The following TAFA2 variants were observed in gnomAD, a reference collection of about 807,000 sequenced individuals.
TAFA2 encodes chemokine-like protein TAFA-2.
TAFA2 carries 7 observed loss-of-function variants against 18.8 expected under a neutral mutation model. The observed-to-expected ratio is 0.37, with a 90% CI of 0.21 to 0.70. The LOEUF (loss-of-function observed/expected upper bound fraction) is 0.70, where lower values mean the gene tolerates loss of function less well. TAFA2 is among the 30% of genes least tolerant of loss of function. The probability of loss-of-function intolerance (pLI) is 0.53; values close to 1 mark genes in which losing one functional copy is unlikely to be tolerated. For synonymous variants in TAFA2, 60 were observed against 54.2 expected (o/e 1.11, Z -0.47); for missense variants, 122 against 158.1 (o/e 0.77, Z 1.23).
At chr12:61,841,052 C>T (rs2198776) in intron 2 of TAFA2, among the ~76,000 whole-genome samples, 50,817 of 151,742 alleles carry the variant, frequency 0.33, 8,800 homozygotes, top group Non-Finnish European at 0.38. Flanking sequence ...ACACTATGTT[C>T]ATCCATGTGT....
intron 2 of TAFA2, among the ~76,000 whole-genome samples, chr12:61,841,067 C>T (rs759355253): frequency 3.3e-5 from 5 of 151,962 alleles, no homozygotes; most frequent in Non-Finnish European, 7.4e-5. Context: ...ATGTGTCCTG[C>T]TGGAGCAGGA....
upstream of TAFA2, among the ~76,000 whole-genome samples, chr12:62,196,408 C>G (rs1012773265): frequency 6.6e-6 from 1 of 152,186 alleles, no homozygotes; most frequent in Non-Finnish European, 1.5e-5. Flanking sequence ...GCCTAGTTCT[C>G]AGCTTTTGAC....
At chr12:61,768,158 C>A (rs1869868736) in intron 2 of TAFA2, among the ~76,000 whole-genome samples, 1 of 152,018 alleles carries the variant, frequency 6.6e-6, no homozygotes, top group African/African-American at 2.4e-5. Context: ...TTTTAAAAAA[C>A]CTAGAAAGCA....
At chr12:61,852,933 T>C (rs1020653964) in intron 2 of TAFA2, among the ~76,000 whole-genome samples, 1 of 152,152 alleles carries the variant, frequency 6.6e-6, no homozygotes, top group Non-Finnish European at 1.5e-5. Flanking sequence ...GGTCAAAGGG[T>C]ACAAACCTTT....
intron 1 of TAFA2, among the ~76,000 whole-genome samples, chr12:61,959,042 C>A (rs1274887063): frequency 6.6e-6 from 1 of 151,844 alleles, no homozygotes; most frequent in South Asian, 2.1e-4. Flanking sequence ...ATTTCATATT[C>A]TCTTCTACTA....
chr12:61,835,991 T>C (rs1469856946), intron 2 of TAFA2, among the ~76,000 whole-genome samples: 1 of 151,848 alleles, frequency 6.6e-6, no homozygotes, highest in Non-Finnish European at 1.5e-5. Flanking sequence ...ACAGTAGAAG[T>C]TCCCTTAATC....
At chr12:62,002,117 G>A (rs1181762201) in intron 1 of TAFA2, among the ~76,000 whole-genome samples, 1 of 152,110 alleles carries the variant, frequency 6.6e-6, no homozygotes, top group African/African-American at 2.4e-5. Flanking sequence ...ATAATATGGT[G>A]GGGAAGGTCA....
intron 1 of TAFA2, among the ~76,000 whole-genome samples, chr12:62,133,571 T>C (rs1029026401): frequency 1.3e-5 from 2 of 152,032 alleles, no homozygotes; most frequent in Non-Finnish European, 2.9e-5. Flanking sequence ...AGCAAACAGT[T>C]CCGTTAAATA....
At chr12:61,875,731 T>C (rs1178400574) in intron 1 of TAFA2, among the ~76,000 whole-genome samples, 2 of 152,106 alleles carry the variant, frequency 1.3e-5, no homozygotes, top group Admixed American at 1.3e-4. Flanking sequence ...TACAAAAACT[T>C]CAGACAAAAG....
chr12:61,822,355 T>C (rs1053525423), intron 2 of TAFA2, among the ~76,000 whole-genome samples: 2 of 152,268 alleles, frequency 1.3e-5, no homozygotes, highest in East Asian at 3.9e-4. Context: ...TTAAATAGCA[T>C]AAAATTTGGA....
intron 1 of TAFA2, among the ~76,000 whole-genome samples, chr12:62,049,090 TG>T (rs1182467129): frequency 1.3e-5 from 2 of 152,146 alleles, no homozygotes; most frequent in African/African-American, 4.8e-5. Context: ...TCTCATTAGG[TG>T]GAGTACAACC....
chr12:61,882,116 C>T (rs7135077), intron 1 of TAFA2, among the ~76,000 whole-genome samples: 4,521 of 152,244 alleles, frequency 0.03, 241 homozygotes, highest in African/African-American at 0.1. Flanking sequence ...ACTAATCCAA[C>T]TTAAAAACTG....
intron 1 of TAFA2, among the ~76,000 whole-genome samples, chr12:62,174,134 A>C (rs1406113980): frequency 1.3e-5 from 2 of 152,150 alleles, no homozygotes; most frequent in Non-Finnish European, 2.9e-5. Context: ...ACTACCAAAA[A>C]ATACAAAAAT....
chr12:61,733,840 T>C (rs1237120995), intron 4 of TAFA2, among the ~76,000 whole-genome samples: 1 of 151,770 alleles, frequency 6.6e-6, no homozygotes, highest in Non-Finnish European at 1.5e-5. Flanking sequence ...GGGGATGGCA[T>C]TGAATCTATA....
At chr12:62,170,567 C>G (rs910278387) in intron 1 of TAFA2, among the ~76,000 whole-genome samples, 10 of 152,164 alleles carry the variant, frequency 6.6e-5, no homozygotes, top group Admixed American at 3.3e-4. Context: ...CTATAGGATT[C>G]ACTCACTAAA....
At chr12:61,975,705 T>A (rs1443554157) in intron 1 of TAFA2, among the ~76,000 whole-genome samples, 1 of 151,746 alleles carries the variant, frequency 6.6e-6, no homozygotes, top group Non-Finnish European at 1.5e-5. Context: ...ACCCAAAACA[T>A]CAACAGGGAC....
intron 2 of TAFA2, among the ~76,000 whole-genome samples, chr12:61,851,237 T>G (rs1014523758): frequency 2.6e-4 from 40 of 152,060 alleles, no homozygotes; most frequent in African/African-American, 8.7e-4. Flanking sequence ...GAAACTAACC[T>G]AGAGGGATAA....
intron 1 of TAFA2, among the ~76,000 whole-genome samples, chr12:62,200,208 T>G (rs1403857169): frequency 6.6e-6 from 1 of 152,226 alleles, no homozygotes; most frequent in Non-Finnish European, 1.5e-5. Context: ...GTAGAATGTT[T>G]GCTCACTCTG....
chr12:61,945,960 A>C (rs1230473616), intron 1 of TAFA2, among the ~76,000 whole-genome samples: 12 of 142,542 alleles, frequency 8.4e-5, no homozygotes, highest in Admixed American at 6.2e-4. Flanking sequence ...AAACTACTTT[A>C]AAGTTCATAT....
Sources: gnomAD v4.1 joint callset for allele counts (sites outside exome capture counted in the v4.1 genomes callset) on GRCh38, gnomAD v4.1.1 for gene constraint, MANE v1.5 for transcripts, NCBI Gene and HGNC (gene_info 2026-07-23, HGNC 2026-07-21) for gene names.